Variants in ATAD2B observed in about 807,000 individuals in gnomAD.
ATAD2B encodes ATPase family AAA domain-containing protein 2B.
ATAD2B carries 40 observed loss-of-function variants against 167.6 expected under a neutral mutation model. The observed-to-expected ratio is 0.24, with a 90% CI of 0.19 to 0.31. ATAD2B has a LOEUF of 0.31. Among genes scored for constraint, ATAD2B ranks in the 10% least tolerant of loss-of-function variants. The pLI, the probability that ATAD2B is intolerant of heterozygous loss-of-function variation, is 1.00. For synonymous variants in ATAD2B, 579 were observed against 596.5 expected (o/e 0.97, Z 0.43); for missense variants, 1,242 against 1,757.2 (o/e 0.71, Z 5.24).
intron 11 of ATAD2B, among the ~76,000 whole-genome samples, chr2:23,864,359 T>C (rs556519072): frequency 2.0e-5 from 3 of 152,262 alleles, no homozygotes; most frequent in Non-Finnish European, 2.9e-5. Flanking sequence ...CCTTTTCCAA[T>C]AGTTCCCCAG....
At chr2:23,773,116 C>CAT (rs1283879574) in intron 22 of ATAD2B, among the ~76,000 whole-genome samples, 1 of 152,188 alleles carries the variant, frequency 6.6e-6, no homozygotes, top group African/African-American at 2.4e-5. Context: ...TAAGATTATA[C>CAT]ATAGCATATA....
chr2:23,775,646 C>G (rs1034387747), intron 22 of ATAD2B, among the ~76,000 whole-genome samples: 1 of 152,156 alleles, frequency 6.6e-6, no homozygotes, highest in African/African-American at 2.4e-5. Context: ...CCAGTAGAGG[C>G]GATACATTTG....
chr2:23,809,812 T>C (rs943513331), intron 18 of ATAD2B, among the ~76,000 whole-genome samples: 6 of 152,140 alleles, frequency 3.9e-5, no homozygotes, highest in Admixed American at 1.3e-4. Context: ...CACTAGAACT[T>C]TGCTTCACAA....
the ATAD2B span, among the ~76,000 whole-genome samples, chr2:23,694,210 G>A: frequency 5.9e-5 from 9 of 152,198 alleles, no homozygotes; most frequent in African/African-American, 1.2e-4. Context: ...TCACCAAGCC[G>A]AAAGCCTACA....
At chr2:23,875,767 G>A (rs1170685879) in intron 8 of ATAD2B, 62 bp downstream of exon 8, 3 of 1,105,172 alleles carry the variant, frequency 2.7e-6, no homozygotes, top group Non-Finnish European at 4.0e-6. Flanking sequence ...ATTAAAGAAA[G>A]AAAGACACAA....
chr2:23,848,332 T>G (rs1366874253), intron 13 of ATAD2B, among the ~76,000 whole-genome samples: 1 of 151,912 alleles, frequency 6.6e-6, no homozygotes. Flanking sequence ...ACACAAAAAT[T>G]AGCCAGGCAT....
At chr2:23,868,477 C>T (rs1558691628) in intron 9 of ATAD2B, among the ~76,000 whole-genome samples, 1 of 152,162 alleles carries the variant, frequency 6.6e-6, no homozygotes, top group African/African-American at 2.4e-5. Flanking sequence ...ATTTTTTATA[C>T]AGACAAGGTC....
At chr2:23,773,222 A>G (rs1450763487) in intron 22 of ATAD2B, among the ~76,000 whole-genome samples, 1 of 152,174 alleles carries the variant, frequency 6.6e-6, no homozygotes, top group Non-Finnish European at 1.5e-5. Context: ...AGAACAGAAC[A>G]TGGTTGGGCA....
intron 15 of ATAD2B, among the ~76,000 whole-genome samples, chr2:23,824,433 GA>G (rs1219090999): frequency 5.3e-5 from 8 of 152,118 alleles, no homozygotes; most frequent in Non-Finnish European, 1.2e-4. Context: ...TATATAAACA[GA>G]AACTTCAAAA....
At chr2:23,767,127 GATTACCTGCTCTACCCTGACTCATTCCA>G (rs1217415396) in intron 22 of ATAD2B, among the ~76,000 whole-genome samples, 11 of 151,916 alleles carry the variant, frequency 7.2e-5, no homozygotes, top group South Asian at 2.1e-4. Flanking sequence ...AACCTTTTTC[GATTACCTGCTCTACCCTGACTCATTCCA>G]ATTACCTGCT....
chr2:23,823,226 T>C (rs375965962), intron 16 of ATAD2B, 32 bp downstream of exon 16: 4 of 1,502,376 alleles, frequency 2.7e-6, no homozygotes, highest in African/African-American at 2.8e-5. Context: ...ATTTGTTTCA[T>C]CTTAACAATA....
intron 16 of ATAD2B, among the ~76,000 whole-genome samples, chr2:23,820,963 G>C (rs1017952799): frequency 6.6e-6 from 1 of 151,892 alleles, no homozygotes; most frequent in African/African-American, 2.4e-5. Context: ...CAAAAAAAAA[G>C]CTAAATATTT....
chr2:23,908,481 A>C (rs371418991), intron 1 of ATAD2B, among the ~76,000 whole-genome samples: 2 of 152,114 alleles, frequency 1.3e-5, no homozygotes, highest in African/African-American at 4.8e-5. Context: ...AAAAAGTCAG[A>C]AAACAACAGG....
At position 23,833,989 on chromosome 2, in the gene ATAD2B, G is replaced by C; in HGVS notation, c.1658C>G (p.Ser553Cys). ...AGGTCTCCTGAGTGCAGGATCTATA[G>C]AGTCAAGTCTGTTTGTAGCACCAAT... The part of the protein sequence containing the change: ...VVIGATNRLD[S>C]IDPALRRPGR... Residue 553 changes from serine (S) to cysteine (C), a missense_variant, in exon 14 of 28, where the codon TCT (serine) becomes TGT (cysteine). Physicochemically the swap from Ser to Cys is moderately radical, Grantham distance 112. Transcript: ENST00000238789. 1 of 1,613,400 alleles carries C rather than the reference G, an allele frequency of 6.2e-7. No homozygotes were observed. The highest frequency in any genetic ancestry group is 8.5e-7 in the Non-Finnish European group (1 of 1,179,558).
chr2:23,871,716 C>T (rs542091165), intron 8 of ATAD2B, among the ~76,000 whole-genome samples: 66 of 152,304 alleles, frequency 4.3e-4, no homozygotes, highest in African/African-American at 1.5e-3. Flanking sequence ...ATCTGTGCAT[C>T]AGTACTCCAC....
intron 8 of ATAD2B, 52 bp downstream of exon 8, chr2:23,875,777 A>G: frequency 8.4e-7 from 1 of 1,187,692 alleles, no homozygotes; most frequent in Non-Finnish European, 1.2e-6. Flanking sequence ...GAAAGACACA[A>G]TTAGTCTCTC....
chr2:23,757,301 T>TA, intron 25 of ATAD2B, 117 bp downstream of exon 25: 1 of 750,086 alleles, frequency 1.3e-6, no homozygotes, highest in Non-Finnish European at 2.0e-6. Context: ...AACTTTAACA[T>TA]ATTCTCAGAG....
At chr2:23,702,656 G>A in the ATAD2B span, among the ~76,000 whole-genome samples, 10 of 152,162 alleles carry the variant, frequency 6.6e-5, no homozygotes, top group African/African-American at 2.4e-4. Flanking sequence ...GAGCTGCTGG[G>A]TGCCCCCTGC....
chr2:23,920,150 CA>C (rs58552045), intron 1 of ATAD2B, among the ~76,000 whole-genome samples: 51,245 of 139,098 alleles, frequency 0.37, 9,591 homozygotes, highest in East Asian at 0.77. Context: ...GACTCTGCCT[CA>C]AAAAAAAAAA....
Sources: allele counts gnomAD v4.1 joint callset (sites outside exome capture counted in the v4.1 genomes callset), GRCh38; gene constraint gnomAD v4.1.1; transcripts MANE v1.5; gene names NCBI Gene and HGNC (gene_info 2026-07-23, HGNC 2026-07-21).